The following ANO2 variants were observed in gnomAD, a reference collection of about 807,000 sequenced individuals.
The protein encoded by ANO2 is anoctamin-2.
A neutral mutation model predicts 124.2 loss-of-function variants in ANO2; 101 were observed. The ratio of observed to expected loss-of-function variants is 0.81; its 90% CI spans 0.69 to 0.96. The LOEUF is 0.96. Ranked by LOEUF, ANO2 falls within the 40% of genes least tolerant of loss-of-function variation. The pLI is 0.00. For synonymous variants in ANO2, 486 were observed against 482.5 expected, an observed-to-expected ratio of 1.01 and a Z score of -0.09; for missense variants, 1,293 against 1,274.5, an observed-to-expected ratio of 1.01 and a Z score of -0.22.
At chr12:5,721,938 C>T (rs974098347) in intron 14 of ANO2, among the ~76,000 whole-genome samples, 2 of 152,136 alleles carry the variant, frequency 1.3e-5, no homozygotes, top group East Asian at 3.8e-4. Context: ...GTAGTTAAGT[C>T]CAAATAACTT....
intron 3 of ANO2, among the ~76,000 whole-genome samples, chr12:5,883,732 G>A (rs932627752): frequency 2.4e-4 from 36 of 152,210 alleles, no homozygotes; most frequent in African/African-American, 6.0e-4. Context: ...CTTAGACCTC[G>A]ATTTCCCCAT....
At chr12:5,880,852 G>GTGGGTGGATGGA (rs149404973) in intron 3 of ANO2, among the ~76,000 whole-genome samples, 1,191 of 116,970 alleles carry the variant, frequency 0.01, 36 homozygotes, top group African/African-American at 0.038. Flanking sequence ...GGGTGGGTGG[G>GTGGGTGGATGGA]TGGATAGATG....
chr12:5,936,066 T>G (rs188496341), intron 1 of ANO2, among the ~76,000 whole-genome samples: 95 of 152,360 alleles, frequency 6.2e-4, no homozygotes, highest in African/African-American at 2.1e-3. Context: ...TCAGAGCTTT[T>G]GCTCATTTTA....
At chr12:5,809,919 C>T (rs1160596563) in intron 7 of ANO2, among the ~76,000 whole-genome samples, 1 of 152,236 alleles carries the variant, frequency 6.6e-6, no homozygotes, top group Non-Finnish European at 1.5e-5. Flanking sequence ...TCTTGTTCAT[C>T]GCCTTCCTCA....
chr12:5,872,229 G>C (rs146929051), intron 3 of ANO2, among the ~76,000 whole-genome samples: 4,049 of 152,084 alleles, frequency 0.027, 84 homozygotes, highest in Middle Eastern at 0.048. Flanking sequence ...CTATGTCCTG[G>C]GCATCCAGAG....
At chr12:5,884,561 G>A (rs1399138625) in intron 3 of ANO2, among the ~76,000 whole-genome samples, 1 of 152,216 alleles carries the variant, frequency 6.6e-6, no homozygotes, top group Non-Finnish European at 1.5e-5. Context: ...TTCCAGAGGT[G>A]GTGAGCAGGC....
At chr12:5,917,065 T>C (rs1380577382) in intron 3 of ANO2, among the ~76,000 whole-genome samples, 1 of 151,764 alleles carries the variant, frequency 6.6e-6, no homozygotes, top group Non-Finnish European at 1.5e-5. Flanking sequence ...CTTGAAGCCA[T>C]GGGTGGGGGC....
intron 3 of ANO2, among the ~76,000 whole-genome samples, chr12:5,877,344 A>C (rs1938177824): frequency 6.6e-6 from 1 of 152,222 alleles, no homozygotes; most frequent in Admixed American, 6.5e-5. Flanking sequence ...CAGAGCCTCC[A>C]GGAGGAACCC....
At chr12:5,632,429 A>C (rs1237026749) in intron 16 of ANO2, among the ~76,000 whole-genome samples, 1 of 151,944 alleles carries the variant, frequency 6.6e-6, no homozygotes, top group Admixed American at 6.6e-5. Flanking sequence ...TGGAGTTACA[A>C]ATTTTATTTT....
At chr12:5,587,570 A>G (rs1943179948) in intron 20 of ANO2, among the ~76,000 whole-genome samples, 1 of 152,202 alleles carries the variant, frequency 6.6e-6, no homozygotes, top group Non-Finnish European at 1.5e-5. Flanking sequence ...GGTAGGGGAC[A>G]GTGATGATTA....
chr12:5,672,940 T>C (rs1948081898), intron 14 of ANO2, among the ~76,000 whole-genome samples: 1 of 152,180 alleles, frequency 6.6e-6, no homozygotes, highest in South Asian at 2.1e-4. Flanking sequence ...AATTTTTAAA[T>C]AGGTAATGTA....
chr12:5,832,726 T>C (rs1422281243), intron 4 of ANO2, 123 bp from the exon 5 acceptor site: 2 of 1,152,782 alleles, frequency 1.7e-6, no homozygotes, highest in African/African-American at 3.1e-5. Flanking sequence ...AGGAAGAGAC[T>C]GGGAGAAACA....
chr12:5,765,115 C>T (rs184636164), intron 10 of ANO2, among the ~76,000 whole-genome samples: 1 of 152,232 alleles, frequency 6.6e-6, no homozygotes, highest in East Asian at 1.9e-4. Context: ...GGGCAGAATG[C>T]ATTAAAGTAA....
At chr12:5,739,129 A>AAC in intron 13 of ANO2, 188 bp downstream of exon 13, 1 of 698,042 alleles carries the variant, frequency 1.4e-6, no homozygotes, top group Non-Finnish European at 2.6e-6. Context: ...GGGGTACTTG[A>AAC]ACTCTTGGCC....
At chr12:5,693,902 G>GCC (rs1565576360) in intron 14 of ANO2, among the ~76,000 whole-genome samples, 1 of 152,094 alleles carries the variant, frequency 6.6e-6, no homozygotes, top group East Asian at 1.9e-4. Context: ...AGCCCTACCA[G>GCC]CCTCTTCACT....
At chr12:5,753,678 T>G (rs940171954) in intron 10 of ANO2, among the ~76,000 whole-genome samples, 1 of 152,192 alleles carries the variant, frequency 6.6e-6, no homozygotes, top group South Asian at 2.1e-4. Flanking sequence ...CTTTTCTTCT[T>G]AGTTTTCTTT....
intron 8 of ANO2, 21 bp downstream of exon 8, chr12:5,807,292 G>C (rs554237548): frequency 5.2e-6 from 8 of 1,547,228 alleles, no homozygotes; most frequent in Non-Finnish European, 5.2e-6. Flanking sequence ...CAGAGAGCAC[G>C]CTGATGAAAA....
At chr12:5,661,039 A>G (rs1468167759) in intron 14 of ANO2, among the ~76,000 whole-genome samples, 1 of 152,244 alleles carries the variant, frequency 6.6e-6, no homozygotes, top group Non-Finnish European at 1.5e-5. Context: ...AGACCTGAAG[A>G]GCAGCTTTTC....
Position 5,822,364 on chromosome 12 carries a change from C to T in ANO2, c.892+5405G>A, listed in dbSNP as rs1227740652. 4.6e-5 allele frequency among the ~76,000 whole-genome samples: 7 copies of T among 152,168 alleles called. No homozygotes were observed. In the East Asian group the frequency reaches 7.7e-4, roughly 17 times the overall value. The stretch of plus-strand genomic sequence containing the variant: ...TGTATCCCATGTGAGTGTTCACCAG[C>T]GGGTGACCTCAGCAGTGGAGTGGAC... On this transcript the variant is annotated intron_variant, in intron 7 of 24. Coordinates refer to ENST00000682330, the MANE Select transcript of ANO2 (RefSeq NM_001364791.2).
Sources: gnomAD v4.1 joint callset for allele counts (sites outside exome capture counted in the v4.1 genomes callset) on GRCh38, gnomAD v4.1.1 for gene constraint, MANE v1.5 for transcripts, NCBI Gene and HGNC (gene_info 2026-07-23, HGNC 2026-07-21) for gene names.